Variants in ELN observed in about 807,000 individuals in gnomAD.
The protein encoded by ELN is elastin, also known as tropoelastin.
A neutral mutation model predicts 105.8 loss-of-function variants in ELN; 65 were observed. That is an observed-to-expected ratio of 0.61 (90% confidence interval 0.50 to 0.75). ELN has a LOEUF of 0.75. Among genes scored for constraint, ELN ranks in the 30% least tolerant of loss-of-function variants. ELN has a pLI of 0.00. For missense variants in ELN, 882 were observed against 969.4 expected (o/e 0.91, Z 1.20); for synonymous variants, 368 against 389.2 (o/e 0.95, Z 0.64).
intron 17 of ELN, 114 bp downstream of exon 17, chr7:74,052,097 T>A (rs754185633): frequency 2.6e-6 from 3 of 1,174,224 alleles, no homozygotes; most frequent in Non-Finnish European, 2.5e-6. Flanking sequence ...ATATGCATTG[T>A]TCATGCCTCC....
intron 13 of ELN, 102 bp from the exon 14 acceptor site, chr7:74,048,040 C>T (rs1170604444): frequency 1.4e-6 from 2 of 1,414,138 alleles, no homozygotes; most frequent in Non-Finnish European, 2.0e-6. Flanking sequence ...GTGACAGGTG[C>T]AGACTCAGGA....
At chr7:74,068,254 G>A (rs1432549859) in intron 32 of ELN, among the ~76,000 whole-genome samples, 1 of 152,188 alleles carries the variant, frequency 6.6e-6, no homozygotes, top group African/African-American at 2.4e-5. Flanking sequence ...TCAGATGTAT[G>A]GGTCCACCCC....
Position 74,051,733 on chromosome 7 carries a change from T to C in ELN, c.800-17T>C, listed in dbSNP as rs1554676099. On this transcript the variant is annotated splice_polypyrimidine_tract_variant and intron_variant, in intron 15 of 32. Transcript: ENST00000252034. ...GGGTCCTTGGGAAACTACATTGCAC[T>C]GTCCCCATCTCAACAGGTGCTGGAG... 5.0e-6 allele frequency: 8 copies of C among 1,614,136 alleles called. No individual in the cohort carries two copies. The highest frequency in any genetic ancestry group is 2.2e-5 in the South Asian group (2 of 91,078).
chr7:74,037,126 C>T (rs1452702680), intron 3 of ELN, among the ~76,000 whole-genome samples: 1 of 148,274 alleles, frequency 6.7e-6, no homozygotes, highest in African/African-American at 2.5e-5. Flanking sequence ...CGGCCCCTTG[C>T]CCGGCCCCTT....
Position 74,065,685 on chromosome 7 carries a change from T to C in ELN, c.1994-9T>C, listed in dbSNP as rs1563880189. 6.2e-7 allele frequency: 1 copy of C among 1,611,500 alleles called. No homozygotes were observed. The highest frequency in any genetic ancestry group is 8.5e-7 in the Non-Finnish European group (1 of 1,179,284). On this transcript the variant is annotated splice_polypyrimidine_tract_variant and intron_variant, in intron 29 of 32. Coordinates refer to ENST00000252034, the MANE Select transcript of ELN (RefSeq NM_000501.4). The stretch of plus-strand genomic sequence containing the variant: ...CATTCCTGAGCCGTCATGTGCCTCA[T>C]CTCCCCAGGTATACCTCCAGCTGCA...
In ELN at chr7:74,068,930, G is replaced by C. The variant is rs543784994; in HGVS notation, c.*230G>C. 2 of 587,216 alleles carry C rather than the reference G, an allele frequency of 3.4e-6. No homozygotes were observed. The highest frequency in any genetic ancestry group is 3.7e-5 in the African/African-American group (2 of 53,872). 36.4% of individuals were successfully genotyped at this position (587,216 alleles called of 1,614,324 possible). On this transcript the variant is annotated 3_prime_UTR_variant, in exon 33 of 33. Coordinates refer to ENST00000252034, the MANE Select transcript of ELN (RefSeq NM_000501.4). ...CAGAGGCAAGGGCCATGTGGTCCTG[G>C]CCCCCCACCCCATCCCTTCCCACCT...
chr7:74,052,871 A>AAG (rs782502952), intron 17 of ELN: 435 of 413,546 alleles, frequency 1.1e-3, no homozygotes, highest in Middle Eastern at 4.1e-3. Flanking sequence ...GAAAGAAAGA[A>AAG]AGAGAGAGAG....
intron 22 of ELN, 128 bp from the exon 23 acceptor site, chr7:74,059,758 G>A: frequency 1.3e-6 from 1 of 771,710 alleles, no homozygotes; most frequent in Non-Finnish European, 2.4e-6. Context: ...GGCCCAGCAA[G>A]GGAAAGTAAC....
rs1796298732 is a variant in ELN, at chr7:74,060,124, T to C, written c.1577-16T>C. Reference sequence around the variant, plus strand: ...CCCGCCTCCATCTCTAATCCCCCTCTCTCTCCCTCCCTCAGCTGCAGCAAA... The same window carrying C: ...CCCGCCTCCATCTCTAATCCCCCTCCCTCTCCCTCCCTCAGCTGCAGCAAA... On this transcript the variant is annotated splice_polypyrimidine_tract_variant and intron_variant, in intron 23 of 32. Coordinates refer to ENST00000252034, the MANE Select transcript of ELN (RefSeq NM_000501.4). The C allele has an allele frequency of 3.1e-6, 5 of 1,614,098 alleles. No homozygotes were observed. The highest frequency in any genetic ancestry group is 4.2e-6 in the Non-Finnish European group (5 of 1,180,034).
At chr7:74,065,893 G>T (rs1797828271) in intron 30 of ELN, 51 bp from the exon 31 acceptor site, 2 of 1,613,644 alleles carry the variant, frequency 1.2e-6, no homozygotes, top group African/African-American at 2.7e-5. Flanking sequence ...GGATATCAGG[G>T]CCTCTTCCCG....
chr7:74,040,457 C>T (rs532436257), intron 4 of ELN, among the ~76,000 whole-genome samples: 1 of 152,330 alleles, frequency 6.6e-6, no homozygotes, highest in Non-Finnish European at 1.5e-5. Context: ...GGAGACCACA[C>T]CCAGGGAAAG....
chr7:74,069,029 G>A lies in ELN; in HGVS notation c.*329G>A, dbSNP rs1438170372. On this transcript the variant is annotated 3_prime_UTR_variant, in exon 33 of 33. Coordinates refer to ENST00000252034, the MANE Select transcript of ELN (RefSeq NM_000501.4). ...ACACGCTGGTGCTCTTATCTTCCTGGGGGGAGGGAGGAGGGAAGGGTGGCC... is the reference window on the plus strand; with the variant it reads ...ACACGCTGGTGCTCTTATCTTCCTGAGGGGAGGGAGGAGGGAAGGGTGGCC... The A allele has an allele frequency of 1.6e-5, 7 of 438,812 alleles. No individual in the cohort carries two copies. The highest frequency in any genetic ancestry group is 3.0e-5 in the Non-Finnish European group (7 of 235,858). The allele number at this position is 438,812 out of a possible 1,614,324, so 27.2% of individuals were successfully genotyped here.
intron 13 of ELN, 132 bp downstream of exon 13, chr7:74,047,848 A>G: frequency 7.5e-7 from 1 of 1,324,506 alleles, no homozygotes; most frequent in Non-Finnish European, 1.1e-6. Flanking sequence ...TGGAGTGGGA[A>G]TCTCAGAAGG....
intron 10 of ELN, among the ~76,000 whole-genome samples, chr7:74,045,528 CAGGAGTTA>C (rs553784675): frequency 5.1e-4 from 78 of 152,184 alleles, no homozygotes; most frequent in African/African-American, 1.8e-3. Flanking sequence ...CGCTTGAGCC[CAGGAGTTA>C]AAGACCAGCC....
intron 18 of ELN, among the ~76,000 whole-genome samples, chr7:74,054,297 A>G (rs1794785448): frequency 6.6e-6 from 1 of 152,076 alleles, no homozygotes. Context: ...GTGAAATCCC[A>G]TCTCCACTAA....
In ELN at chr7:74,045,280, G is replaced by C; in HGVS notation, c.528G>C (p.Lys176Asn). The C allele has an allele frequency of 6.2e-7, 1 of 1,614,114 alleles. No individual in the cohort carries two copies. The highest frequency in any genetic ancestry group is 8.5e-7 in the Non-Finnish European group (1 of 1,180,046). ...GAGTTCCCACTGGAGCAGGAGTTAA[G>C]CCCAAGGCTCCAGGTATGCAGCTGT... ...LPGVPTGAGV[K>N]PKAPGVGGAF... The change falls in exon 10 of 33, where the codon AAG (lysine) becomes AAC (asparagine). Residue 176 changes from lysine (K) to asparagine (N), a missense_variant. Transcript: ENST00000252034.
rs1293436230 is a variant in ELN, at chr7:74,065,982, C to T, written c.2071C>T (p.Gln691Ter). 11 of 1,613,962 alleles carry T rather than the reference C, an allele frequency of 6.8e-6. No individual in the cohort carries two copies. The Admixed American group carries it at 1.8e-4, about 27-fold the overall frequency. Residue 691 changes from glutamine (Q) to a stop codon, truncating the protein, a stop_gained, in exon 31 of 33, where the codon CAG becomes TAG. Coordinates refer to ENST00000252034, the MANE Select transcript of ELN (RefSeq NM_000501.4). LOFTEE classifies it high-confidence loss of function. ...TGGAGGTGTCCTAGGGGGTGCCGGG[C>T]AGTTCCCACTTGGAGGTAGGGGTGG... is the stretch of plus-strand genomic sequence containing the variant. Reference protein sequence around the residue: ...GLGGVLGGAGQFPLGGVAARP... With the variant: ...GLGGVLGGAG
chr7:74,044,928 G>A (rs1330920952), intron 9 of ELN, among the ~76,000 whole-genome samples: 5 of 152,216 alleles, frequency 3.3e-5, no homozygotes, highest in Admixed American at 6.5e-5. Context: ...CCTTTTCTGC[G>A]GAGGGTGGTC....
At position 74,056,254 on chromosome 7, in the gene ELN, C is replaced by T. The variant is rs782477521; in HGVS notation, c.1151-17C>T. The T allele has an allele frequency of 6.2e-7, 1 of 1,614,256 alleles. No homozygotes were observed. Among genetic ancestry groups the T allele is most frequent in the Non-Finnish European group, 8.5e-7 (1 of 1,180,052 alleles). On this transcript the variant is annotated splice_polypyrimidine_tract_variant and intron_variant, in intron 19 of 32. Coordinates refer to ENST00000252034, the MANE Select transcript of ELN (RefSeq NM_000501.4). ...CTCACTGAGCTTCTTTTCTACTTGG[C>T]TCCCTTCCCTCTGCAGGGGCCAGGC...
Sources: gnomAD v4.1 joint callset for allele counts (sites outside exome capture counted in the v4.1 genomes callset) on GRCh38, gnomAD v4.1.1 for gene constraint, MANE v1.5 for transcripts, NCBI Gene and HGNC (gene_info 2026-07-23, HGNC 2026-07-21) for gene names.